Variants in ADGRB3 observed in about 807,000 individuals in gnomAD.
ADGRB3 encodes the protein adhesion G protein-coupled receptor B3.
ADGRB3 carries 37 observed loss-of-function variants against 193.4 expected under a neutral mutation model. The ratio of observed to expected loss-of-function variants is 0.19; its 90% CI spans 0.15 to 0.25. The LOEUF (loss-of-function observed/expected upper bound fraction) is 0.25. ADGRB3 is among the 10% of genes least tolerant of loss of function. ADGRB3 has a pLI of 1.00. For missense variants in ADGRB3, 1,637 were observed against 1,852.9 expected, an observed-to-expected ratio of 0.88 and a Z score of 2.14; for synonymous variants, 690 against 644.2, an observed-to-expected ratio of 1.07 and a Z score of -1.08.
chr6:69,161,141 G>T (rs1774974236), intron 17 of ADGRB3, among the ~76,000 whole-genome samples: 1 of 151,882 alleles, frequency 6.6e-6, no homozygotes, highest in Admixed American at 6.6e-5. Context: ...ACATAAAATG[G>T]TTATAATAAA....
intron 3 of ADGRB3, among the ~76,000 whole-genome samples, chr6:68,669,732 G>A (rs1768898705): frequency 6.6e-6 from 1 of 151,212 alleles, no homozygotes; most frequent in Admixed American, 6.6e-5. Flanking sequence ...AAACAGTCCT[G>A]CAACAAACAT....
At chr6:68,872,566 G>T (rs1284172002) in intron 3 of ADGRB3, among the ~76,000 whole-genome samples, 1 of 152,090 alleles carries the variant, frequency 6.6e-6, no homozygotes, top group African/African-American at 2.4e-5. Context: ...AAATTCTCCA[G>T]ATGAGAGTTT....
chr6:68,954,156 C>T (rs1178506461), intron 6 of ADGRB3, among the ~76,000 whole-genome samples: 1 of 152,180 alleles, frequency 6.6e-6, no homozygotes, highest in Non-Finnish European at 1.5e-5. Flanking sequence ...CCAGTAGATG[C>T]AGTATGTCCT....
intron 20 of ADGRB3, among the ~76,000 whole-genome samples, chr6:69,300,360 A>T (rs35829738): frequency 0.082 from 12,485 of 151,832 alleles, 607 homozygotes; most frequent in Non-Finnish European, 0.11. Context: ...AGCCAGTATC[A>T]TACTAAACAA....
intron 29 of ADGRB3, among the ~76,000 whole-genome samples, chr6:69,362,807 C>T (rs16900665): frequency 0.034 from 5,097 of 152,048 alleles, 292 homozygotes; most frequent in African/African-American, 0.11. Flanking sequence ...TTATTTGTAA[C>T]TTGCATATCC....
intron 17 of ADGRB3, among the ~76,000 whole-genome samples, chr6:69,193,611 T>C (rs1303602201): frequency 6.6e-6 from 1 of 151,980 alleles, no homozygotes; most frequent in Non-Finnish European, 1.5e-5. Flanking sequence ...ATTGAAGAGG[T>C]AGCATCATGT....
intron 3 of ADGRB3, among the ~76,000 whole-genome samples, chr6:68,887,346 G>A (rs1188933892): frequency 6.6e-6 from 1 of 151,980 alleles, no homozygotes; most frequent in East Asian, 1.9e-4. Flanking sequence ...TTGAGTTTTG[G>A]CTTGCATTTG....
intron 10 of ADGRB3, among the ~76,000 whole-genome samples, chr6:68,977,677 G>T (rs1034899669): frequency 6.6e-6 from 1 of 152,108 alleles, no homozygotes; most frequent in African/African-American, 2.4e-5. Flanking sequence ...CAATTATCAG[G>T]TGCATGATCT....
chr6:68,813,080 C>T (rs1767549909), intron 3 of ADGRB3, among the ~76,000 whole-genome samples: 1 of 151,974 alleles, frequency 6.6e-6, no homozygotes, highest in South Asian at 2.1e-4. Context: ...TGGGAGGGAC[C>T]CAGGGGGAGG....
At chr6:69,369,723 G>A (rs371311956) in intron 29 of ADGRB3, among the ~76,000 whole-genome samples, 1 of 151,116 alleles carries the variant, frequency 6.6e-6, no homozygotes, top group Non-Finnish European at 1.5e-5. Context: ...AAGAGAGAGC[G>A]AGTCATGTCT....
At position 68,934,839 on chromosome 6, in the gene ADGRB3, T is replaced by G. The variant is rs78594780; in HGVS notation, c.869-1680T>G. ...TATGAAGCATGGCTTTAACTGTTAT[T>G]CAAATAGTCATCCAAGGACATTTTT... On this transcript the variant is annotated intron_variant, in intron 4 of 31. Coordinates refer to ENST00000370598, the MANE Select transcript of ADGRB3 (RefSeq NM_001704.3). Among the ~76,000 whole-genome samples, 407 of 152,306 alleles carry G rather than the reference T, an allele frequency of 2.7e-3. 1 individual carries two copies. The highest frequency in any genetic ancestry group is 8.9e-3 in the African/African-American group (369 of 41,564).
At chr6:68,974,634 C>CT (rs2044204978) in intron 8 of ADGRB3, 129 bp from the exon 9 acceptor site, 6 of 666,786 alleles carry the variant, frequency 9.0e-6, no homozygotes, top group Non-Finnish European at 1.5e-5. Context: ...GACCCCATCT[C>CT]TAAAAAAAAG....
intron 17 of ADGRB3, among the ~76,000 whole-genome samples, chr6:69,185,554 C>T (rs1046097366): frequency 1.3e-5 from 2 of 152,108 alleles, no homozygotes; most frequent in East Asian, 3.8e-4. Flanking sequence ...TACCACTATT[C>T]GTACTGTATG....
chr6:69,172,080 T>C (rs1775284588), intron 17 of ADGRB3, among the ~76,000 whole-genome samples: 2 of 152,100 alleles, frequency 1.3e-5, no homozygotes, highest in African/African-American at 4.8e-5. Flanking sequence ...GTGTTGAGGA[T>C]AGTGGAGCAG....
chr6:69,031,519 C>CTCTTTCTT (rs201301230), intron 13 of ADGRB3, among the ~76,000 whole-genome samples: 11 of 21,268 alleles, frequency 5.2e-4, no homozygotes, highest in Middle Eastern at 0.029. Context: ...TTTGAGTTGT[C>CTCTTTCTT]TCTTTCTTTC....
At chr6:68,789,656 T>G (rs1767058678) in intron 3 of ADGRB3, among the ~76,000 whole-genome samples, 1 of 152,194 alleles carries the variant, frequency 6.6e-6, no homozygotes, top group South Asian at 2.1e-4. Context: ...TCGATGAGTA[T>G]CTTTGTGGCA....
intron 3 of ADGRB3, among the ~76,000 whole-genome samples, chr6:68,880,632 T>TG (rs1765707085): frequency 6.6e-6 from 1 of 152,168 alleles, no homozygotes; most frequent in East Asian, 1.9e-4. Context: ...AAGGGGTTTG[T>TG]ACTTTATAAG....
At chr6:68,828,143 A>G (rs1425661116) in intron 3 of ADGRB3, among the ~76,000 whole-genome samples, 1 of 152,134 alleles carries the variant, frequency 6.6e-6, no homozygotes, top group Non-Finnish European at 1.5e-5. Flanking sequence ...TTTTCAGTGT[A>G]TTTAACTTAG....
Position 68,762,021 on chromosome 6 carries a change from C to T in ADGRB3, c.757+122589C>T, listed in dbSNP as rs76494869. Among the ~76,000 whole-genome samples the T allele has an allele frequency of 9.0e-3, 1,374 of 152,124 alleles. 8 individuals carry two copies. Among genetic ancestry groups the T allele is most frequent in the Non-Finnish European group, 0.016 (1,057 of 67,984 alleles). On this transcript the variant is annotated intron_variant, in intron 3 of 31. Coordinates refer to ENST00000370598, the MANE Select transcript of ADGRB3 (RefSeq NM_001704.3). ...CTACCTTAAGGTAAAATGAAAGTTT[C>T]GTGTAGTGAATATATACAAATATTC...
Sources: gnomAD v4.1 joint callset for allele counts (sites outside exome capture counted in the v4.1 genomes callset) on GRCh38, gnomAD v4.1.1 for gene constraint, MANE v1.5 for transcripts, NCBI Gene and HGNC (gene_info 2026-07-23, HGNC 2026-07-21) for gene names.